APLF: variants seen among roughly 807,000 people sequenced by gnomAD.
The protein encoded by APLF is aprataxin and PNKP like factor.
A neutral mutation model predicts 55.6 loss-of-function variants in APLF; 61 were observed. That is an observed-to-expected ratio of 1.10 (90% CI 0.89 to 1.36). APLF has a LOEUF of 1.36. APLF is among the 40% of genes most tolerant of loss of function. APLF has a pLI of 0.00. For synonymous variants in APLF, 207 were observed against 214.8 expected (o/e 0.96, Z 0.32); for missense variants, 611 against 602.5 (o/e 1.01, Z -0.15).
intron 4 of APLF, 86 bp downstream of exon 4, chr2:68,513,313 A>G: frequency 1.4e-6 from 2 of 1,430,602 alleles, no homozygotes; most frequent in East Asian, 2.4e-5. Flanking sequence ...TAGGCCTATT[A>G]TGACAATATT....
chr2:68,496,711 A>G (rs1676560080), intron 2 of APLF, among the ~76,000 whole-genome samples: 1 of 152,154 alleles, frequency 6.6e-6, no homozygotes, highest in Non-Finnish European at 1.5e-5. Flanking sequence ...ATAGATCCCT[A>G]GGGTGTGAAC....
At chr2:68,554,919 C>T (rs1426168262) in intron 8 of APLF, among the ~76,000 whole-genome samples, 1 of 151,926 alleles carries the variant, frequency 6.6e-6, no homozygotes, top group Non-Finnish European at 1.5e-5. Flanking sequence ...GCGATAAGGC[C>T]ATAGTCACCA....
intron 1 of APLF, among the ~76,000 whole-genome samples, chr2:68,469,796 G>A (rs963053877): frequency 2.0e-5 from 3 of 152,152 alleles, no homozygotes; most frequent in Non-Finnish European, 4.4e-5. Context: ...GGAAAACTCA[G>A]TAAGTTCATT....
chr2:68,554,808 A>G (rs1394630686), intron 8 of APLF, among the ~76,000 whole-genome samples: 1 of 151,932 alleles, frequency 6.6e-6, no homozygotes, highest in Non-Finnish European at 1.5e-5. Flanking sequence ...AGGAATCTTT[A>G]GGGTTTTAGA....
intron 3 of APLF, among the ~76,000 whole-genome samples, chr2:68,507,521 T>C (rs1476979330): frequency 6.6e-6 from 1 of 152,004 alleles, no homozygotes; most frequent in Non-Finnish European, 1.5e-5. Flanking sequence ...TCTATGAAAT[T>C]ATTCTGCCAG....
At chr2:68,560,615 C>T (rs571398593) in intron 8 of APLF, among the ~76,000 whole-genome samples, 9 of 152,036 alleles carry the variant, frequency 5.9e-5, no homozygotes, top group African/African-American at 2.2e-4. Context: ...TAAAATACAG[C>T]AGCTCACAAA....
chr2:68,484,621 G>T (rs951212651), intron 1 of APLF, among the ~76,000 whole-genome samples: 2 of 151,896 alleles, frequency 1.3e-5, no homozygotes, highest in Non-Finnish European at 2.9e-5. Context: ...GAACCTGGGA[G>T]GCAGAGTTTA....
Position 68,538,186 on chromosome 2 carries a change from G to C in APLF, c.1119G>C (p.Lys373Asn). The C allele has an allele frequency of 6.2e-7, 1 of 1,611,864 alleles. No homozygotes were observed. The highest frequency in any genetic ancestry group is 2.2e-5 in the East Asian group (1 of 44,876). Reference sequence around the variant, plus strand: ...TTCTACAAGGTTCTGAAGGAAACAAGGTCAAGAGGACATCCTGCATGTATG... The same window carrying C: ...TTCTACAAGGTTCTGAAGGAAACAACGTCAAGAGGACATCCTGCATGTATG... ...DSVLQGSEGN[K>N]VKRTSCMYGA... The change falls in exon 7 of 10, where the codon AAG becomes AAC. Residue 373 changes from lysine (K) to asparagine (N), a missense_variant. By Grantham distance (94) the Lys-to-Asn change is moderately conservative. Transcript: ENST00000303795.
At chr2:68,477,600 A>G (rs1287915629) in intron 1 of APLF, among the ~76,000 whole-genome samples, 2 of 152,138 alleles carry the variant, frequency 1.3e-5, no homozygotes, top group African/African-American at 4.8e-5. Flanking sequence ...TGACTGCACC[A>G]TTTTACTCCA....
intron 6 of APLF, among the ~76,000 whole-genome samples, chr2:68,536,113 C>A (rs1182995375): frequency 2.6e-5 from 4 of 152,132 alleles, no homozygotes; most frequent in African/African-American, 9.7e-5. Context: ...TCGAGAGTTC[C>A]AGTTGCTGGT....
At chr2:68,515,245 C>T (rs186266277) in intron 5 of APLF, among the ~76,000 whole-genome samples, 73 of 151,594 alleles carry the variant, frequency 4.8e-4, no homozygotes, top group African/African-American at 1.7e-3. Context: ...AGTTATTCTA[C>T]TACAGTTGTT....
At chr2:68,518,946 A>T (rs1300133951) in intron 5 of APLF, among the ~76,000 whole-genome samples, 2 of 123,848 alleles carry the variant, frequency 1.6e-5, no homozygotes, top group East Asian at 2.2e-4. Context: ...TATATTATAT[A>T]ATATTATTAA....
At chr2:68,538,828 T>C (rs1670475542) in intron 7 of APLF, among the ~76,000 whole-genome samples, 1 of 152,208 alleles carries the variant, frequency 6.6e-6, no homozygotes, top group South Asian at 2.1e-4. Flanking sequence ...AACATGTTTA[T>C]AATTACATAA....
At chr2:68,537,717 C>T (rs1362075192) in intron 6 of APLF, among the ~76,000 whole-genome samples, 155 bp from the exon 7 acceptor site, 1 of 152,052 alleles carries the variant, frequency 6.6e-6, no homozygotes, top group Non-Finnish European at 1.5e-5. Flanking sequence ...TTAAACTAAG[C>T]GCATAGAAAA....
chr2:68,478,247 C>A (rs887839937), intron 1 of APLF, among the ~76,000 whole-genome samples: 3 of 151,770 alleles, frequency 2.0e-5, no homozygotes, highest in African/African-American at 7.3e-5. Flanking sequence ...AGCTGTGTTG[C>A]CTGCCATTTC....
intron 8 of APLF, among the ~76,000 whole-genome samples, chr2:68,553,091 C>G (rs1369428104): frequency 6.6e-6 from 1 of 152,056 alleles, no homozygotes; most frequent in Non-Finnish European, 1.5e-5. Flanking sequence ...CTTCCCTCCT[C>G]GAGACCAGAA....
chr2:68,517,580 AAT>A (rs1464441263), intron 5 of APLF, among the ~76,000 whole-genome samples: 1 of 144,030 alleles, frequency 6.9e-6, no homozygotes, highest in East Asian at 2.1e-4. Flanking sequence ...ATATATCACT[AAT>A]ATATGTAATT....
At chr2:68,504,489 A>G (rs1458530427) in intron 3 of APLF, among the ~76,000 whole-genome samples, 7 of 152,002 alleles carry the variant, frequency 4.6e-5, no homozygotes, top group Non-Finnish European at 1.0e-4. Context: ...TCGTATAAAA[A>G]TCGAAGCAAT....
intron 9 of APLF, among the ~76,000 whole-genome samples, chr2:68,576,598 G>A (rs1040022875): frequency 6.6e-6 from 1 of 151,920 alleles, no homozygotes; most frequent in African/African-American, 2.4e-5. Flanking sequence ...ACCTTTATTA[G>A]CATTTTATTA....
Sources: gnomAD v4.1 joint callset for allele counts (sites outside exome capture counted in the v4.1 genomes callset) on GRCh38, gnomAD v4.1.1 for gene constraint, MANE v1.5 for transcripts, NCBI Gene and HGNC (gene_info 2026-07-23, HGNC 2026-07-21) for gene names.